Variants in WAPL observed in about 807,000 individuals in gnomAD.
The protein encoded by WAPL is wings apart-like protein homolog.
Under a neutral mutation model 121.0 loss-of-function variants are expected in WAPL, and 5 were observed. That is an observed-to-expected ratio of 0.04 (90% confidence interval 0.02 to 0.09). WAPL has a LOEUF of 0.09. Ranked by LOEUF, WAPL falls within the 10% of genes least tolerant of loss-of-function variation. The pLI is 1.00. For missense variants in WAPL, 999 were observed against 1,410.8 expected (o/e 0.71, Z 4.68); for synonymous variants, 480 against 481.5 (o/e 1.00, Z 0.04).
intron 17 of WAPL, among the ~76,000 whole-genome samples, chr10:86,441,383 G>T (rs997797038): frequency 1.3e-5 from 2 of 152,058 alleles, no homozygotes; most frequent in African/African-American, 4.8e-5. Flanking sequence ...AGTGAATCCT[G>T]ATGATCTAAT....
chr10:86,515,989 C>T (rs1842548905), intron 2 of WAPL, among the ~76,000 whole-genome samples: 2 of 150,178 alleles, frequency 1.3e-5, no homozygotes, highest in South Asian at 2.1e-4. Flanking sequence ...CCTCAACCTC[C>T]GTAGTAGGTG....
intron 15 of WAPL, among the ~76,000 whole-genome samples, chr10:86,447,777 G>A (rs1849661224): frequency 1.3e-5 from 2 of 152,110 alleles, no homozygotes; most frequent in South Asian, 4.1e-4. Flanking sequence ...GGCCATGCAG[G>A]GTGGCTCATG....
chr10:86,521,757 C>T lies in WAPL; in HGVS notation c.-415G>A, dbSNP rs1415958696. ...TCAACGCCATTTGCGCTCCCGGCCCCCACCTCCTTCCTCCAACAGCCGCTC... is the reference window on the plus strand; with the variant it reads ...TCAACGCCATTTGCGCTCCCGGCCCTCACCTCCTTCCTCCAACAGCCGCTC... On this transcript the variant is annotated 5_prime_UTR_variant, in exon 1 of 19. Transcript: ENST00000298767. The T allele has an allele frequency of 4.5e-6, 2 of 446,636 alleles. No individual in the cohort carries two copies. The highest frequency in any genetic ancestry group is 9.2e-6 in the Non-Finnish European group (2 of 216,836). 27.7% of individuals were successfully genotyped at this position (446,636 alleles called of 1,614,324 possible). A position where few individuals can be genotyped will look rare whatever the true frequency, so the allele number is the denominator to read the frequency against.
intron 12 of WAPL, among the ~76,000 whole-genome samples, chr10:86,456,638 T>C (rs1841153538): frequency 6.6e-6 from 1 of 152,198 alleles, no homozygotes; most frequent in South Asian, 2.1e-4. Context: ...TAAAACATAC[T>C]GAGGAAGTTC....
intron 13 of WAPL, 21 bp downstream of exon 13, chr10:86,453,635 A>G: frequency 6.3e-7 from 1 of 1,586,044 alleles, no homozygotes. Flanking sequence ...TCAATGAGAA[A>G]AAAATGGAAA....
intron 2 of WAPL, among the ~76,000 whole-genome samples, chr10:86,511,961 A>C (rs952169265): frequency 5.9e-5 from 9 of 152,114 alleles, no homozygotes; most frequent in South Asian, 2.1e-4. Context: ...AATAGGTCTT[A>C]TCCACTTCTC....
chr10:86,455,727 A>G lies in WAPL; in HGVS notation c.2658-1896T>C, dbSNP rs138468782. On this transcript the variant is annotated intron_variant, in intron 12 of 18. Coordinates refer to ENST00000298767, the MANE Select transcript of WAPL (RefSeq NM_015045.5). The stretch of plus-strand genomic sequence containing the variant: ...AAAGAAAAAAAAAGAAAAAAAGAAA[A>G]CAAATAAAAATTTGCTAGCAGGGTG... Among the ~76,000 whole-genome samples the G allele has an allele frequency of 5.5e-3, 833 of 150,920 alleles. 4 individuals are homozygous for G. Among genetic ancestry groups the G allele is most frequent in the Middle Eastern group, 0.021 (6 of 292 alleles).
At position 86,451,913 on chromosome 10, in the gene WAPL, T is replaced by G. The variant is rs1840990450; in HGVS notation, c.3114+54A>C. On this transcript the variant is annotated intron_variant, in intron 15 of 18. Coordinates refer to ENST00000298767, the MANE Select transcript of WAPL (RefSeq NM_015045.5). ...AAAAGGTGCAAATGATAAAAGAAAT[T>G]GGACAAATCCAACAAACTGCAGTTA... is the stretch of plus-strand genomic sequence containing the variant. The G allele has an allele frequency of 1.1e-5, 18 of 1,590,470 alleles. 1 individual carries two copies. The South Asian group carries it at 1.8e-4, about 16-fold the overall frequency.
intron 8 of WAPL, among the ~76,000 whole-genome samples, chr10:86,469,062 T>C (rs1264593854): frequency 1.3e-5 from 2 of 151,860 alleles, no homozygotes; most frequent in East Asian, 1.9e-4. Flanking sequence ...CAAGATTGTG[T>C]CACTGCACTC....
chr10:86,488,833 A>T (rs576055334), intron 4 of WAPL, among the ~76,000 whole-genome samples: 1 of 152,254 alleles, frequency 6.6e-6, no homozygotes, highest in Non-Finnish European at 1.5e-5. Flanking sequence ...AACAAATGCT[A>T]TAATTAGGAA....
At chr10:86,469,649 C>G (rs1439387188) in intron 8 of WAPL, among the ~76,000 whole-genome samples, 2 of 152,248 alleles carry the variant, frequency 1.3e-5, no homozygotes, top group South Asian at 4.1e-4. Context: ...TATTCCAACA[C>G]TTGAGATATT....
chr10:86,505,298 CTCT>C (rs1842325576), intron 2 of WAPL, among the ~76,000 whole-genome samples: 2 of 65,378 alleles, frequency 3.1e-5, no homozygotes, highest in Admixed American at 1.7e-4. Flanking sequence ...CAGTGCCCAA[CTCT>C]TTTTTTTTTT....
chr10:86,475,632 C>G (rs1047640527), intron 4 of WAPL, among the ~76,000 whole-genome samples: 7 of 152,224 alleles, frequency 4.6e-5, no homozygotes, highest in African/African-American at 1.7e-4. Flanking sequence ...AATTTATGCA[C>G]TCATGCAATG....
chr10:86,492,327 G>C (rs1312542415), intron 4 of WAPL, among the ~76,000 whole-genome samples: 1 of 152,152 alleles, frequency 6.6e-6, no homozygotes, highest in Non-Finnish European at 1.5e-5. Context: ...TGTAACTCGA[G>C]CAATAAATGA....
intron 4 of WAPL, among the ~76,000 whole-genome samples, chr10:86,478,375 T>A (rs1589517937): frequency 6.6e-6 from 1 of 151,974 alleles, no homozygotes; most frequent in African/African-American, 2.4e-5. Context: ...GAGGCTGCAG[T>A]GAGCCAAGAT....
intron 4 of WAPL, among the ~76,000 whole-genome samples, chr10:86,487,630 C>G (rs1010620506): frequency 6.6e-6 from 1 of 152,156 alleles, no homozygotes; most frequent in Non-Finnish European, 1.5e-5. Flanking sequence ...GTGGCTCACG[C>G]CTGTAATCCC....
chr10:86,465,397 G>A (rs1288136656), intron 9 of WAPL, among the ~76,000 whole-genome samples: 12 of 152,248 alleles, frequency 7.9e-5, no homozygotes, highest in Admixed American at 2.0e-4. Flanking sequence ...GTGGAGATGG[G>A]GTTTCACCAT....
intron 4 of WAPL, among the ~76,000 whole-genome samples, chr10:86,486,801 A>AAAAAATTAG (rs1841938745): frequency 6.6e-6 from 1 of 152,048 alleles, no homozygotes; most frequent in African/African-American, 2.4e-5. Context: ...CAAAAAATAC[A>AAAAAATTAG]AAAAATTAGC....
At chr10:86,496,355 T>C (rs556615229) in intron 4 of WAPL, among the ~76,000 whole-genome samples, 98 of 152,070 alleles carry the variant, frequency 6.4e-4, no homozygotes, top group Non-Finnish European at 8.5e-4. Context: ...TGTAAAATGG[T>C]GCAGACAACC....
Sources: gnomAD v4.1 joint callset for allele counts (sites outside exome capture counted in the v4.1 genomes callset) on GRCh38, gnomAD v4.1.1 for gene constraint, MANE v1.5 for transcripts, NCBI Gene and HGNC (gene_info 2026-07-23, HGNC 2026-07-21) for gene names.